The following GRIK2 variants were observed in gnomAD, a reference collection of about 807,000 sequenced individuals.
The protein encoded by GRIK2 is glutamate receptor ionotropic, kainate 2.
GRIK2 carries 32 observed loss-of-function variants against 100.3 expected under a neutral mutation model. The ratio of observed to expected loss-of-function variants is 0.32; its 90% CI spans 0.24 to 0.43. The LOEUF (loss-of-function observed/expected upper bound fraction) is 0.43. GRIK2 is among the 20% of genes least tolerant of loss of function. The pLI is 1.00. For missense variants in GRIK2, 843 were observed against 1,114.9 expected (o/e 0.76, Z 3.47); for synonymous variants, 417 against 389.4 (o/e 1.07, Z -0.83).
intron 14 of GRIK2, among the ~76,000 whole-genome samples, chr6:101,931,551 T>G (rs1442311643): frequency 1.3e-5 from 2 of 152,090 alleles, no homozygotes; most frequent in African/African-American, 4.8e-5. Context: ...CATAGCAGAG[T>G]TACATAGCTG....
At chr6:101,838,935 G>A (rs1424548692) in intron 10 of GRIK2, among the ~76,000 whole-genome samples, 1 of 151,980 alleles carries the variant, frequency 6.6e-6, no homozygotes, top group Non-Finnish European at 1.5e-5. Flanking sequence ...TTACAGGCTT[G>A]AGCCACTGTG....
chr6:101,818,532 G>T (rs781515341), intron 10 of GRIK2, 49 bp downstream of exon 10: 4 of 971,772 alleles, frequency 4.1e-6, no homozygotes, highest in Non-Finnish European at 6.6e-6. Flanking sequence ...GATGAACACA[G>T]AAGTGCATAG....
intron 2 of GRIK2, among the ~76,000 whole-genome samples, chr6:101,606,161 A>T (rs1490538961): frequency 6.6e-6 from 1 of 151,982 alleles, no homozygotes; most frequent in Non-Finnish European, 1.5e-5. Context: ...CTTCCTCCAG[A>T]CAGGTACATG....
intron 2 of GRIK2, among the ~76,000 whole-genome samples, chr6:101,450,446 A>G (rs374485948): frequency 4.0e-5 from 6 of 151,704 alleles, no homozygotes; most frequent in Admixed American, 6.6e-5. Context: ...AAGTCACTGA[A>G]CATTCCAGAA....
intron 12 of GRIK2, among the ~76,000 whole-genome samples, chr6:101,920,754 T>A: frequency 7.8e-6 from 1 of 129,022 alleles, no homozygotes; most frequent in Non-Finnish European, 1.7e-5. Flanking sequence ...GAAAGGGGGG[T>A]CAGAGATCAC....
At chr6:101,705,925 A>G (rs1490955209) in intron 7 of GRIK2, among the ~76,000 whole-genome samples, 1 of 151,946 alleles carries the variant, frequency 6.6e-6, no homozygotes, top group African/African-American at 2.4e-5. Flanking sequence ...AAAAATATGT[A>G]AGGAGACATG....
At chr6:101,436,755 T>A (rs1769740865) in intron 2 of GRIK2, among the ~76,000 whole-genome samples, 1 of 151,430 alleles carries the variant, frequency 6.6e-6, no homozygotes, top group African/African-American at 2.4e-5. Flanking sequence ...TGGGGAGGAT[T>A]TGGTAAAAGT....
At chr6:101,585,334 T>C (rs959460195) in intron 2 of GRIK2, among the ~76,000 whole-genome samples, 5 of 152,112 alleles carry the variant, frequency 3.3e-5, no homozygotes, top group Non-Finnish European at 7.4e-5. Flanking sequence ...TGAGTATGTG[T>C]ATATTCAGTG....
chr6:101,887,427 G>A (rs999633251), intron 11 of GRIK2, among the ~76,000 whole-genome samples: 2 of 152,126 alleles, frequency 1.3e-5, no homozygotes, highest in African/African-American at 2.4e-5. Flanking sequence ...GTTACAGAAT[G>A]AAGTAACACA....
chr6:101,818,036 C>T (rs55757149), intron 9 of GRIK2, among the ~76,000 whole-genome samples: 7,009 of 152,206 alleles, frequency 0.046, 191 homozygotes, highest in Non-Finnish European at 0.058. Flanking sequence ...AGATCCATTA[C>T]AGTAAAAGAT....
intron 16 of GRIK2, among the ~76,000 whole-genome samples, chr6:102,055,965 A>G (rs530631598): frequency 8.6e-5 from 13 of 151,936 alleles, no homozygotes; most frequent in African/African-American, 2.6e-4. Flanking sequence ...TCTGCAGATT[A>G]AAAATGAGGT....
At chr6:101,595,740 A>T (rs1304670560) in intron 2 of GRIK2, among the ~76,000 whole-genome samples, 2 of 147,316 alleles carry the variant, frequency 1.4e-5, no homozygotes, top group African/African-American at 5.0e-5. Context: ...ATATATATAT[A>T]TTCATACACA....
In GRIK2 at chr6:101,396,883, T is replaced by C. The variant is rs143366006; in HGVS notation, c.-293-2102T>C. 6.2e-3 allele frequency among the ~76,000 whole-genome samples: 941 copies of C among 151,808 alleles called. 4 individuals are homozygous for C. Among genetic ancestry groups the C allele is most frequent in the South Asian group, 0.014 (66 of 4,748 alleles). On this transcript the variant is annotated intron_variant, in intron 1 of 16. Transcript: ENST00000369134. ...AATCTAATTTACCATATGTGCAAAA[T>C]TGGTTCTTTGGGGATCAATTAATAT...
rs981996722 is a variant in GRIK2, at chr6:101,751,514, A to G, written c.952-48134A>G. ...TTTAAAAACCATATATAACCAAAAT[A>G]CCAGAATACTACCTAAAATAAACTA... is the stretch of plus-strand genomic sequence containing the variant. On this transcript the variant is annotated intron_variant, in intron 7 of 16. Transcript: ENST00000369134. Among the ~76,000 whole-genome samples, 10 of 152,186 alleles carry G rather than the reference A, an allele frequency of 6.6e-5. No individual in the cohort carries two copies. In the East Asian group the frequency reaches 1.9e-3, roughly 29 times the overall value.
chr6:101,764,872 A>G (rs983340790), intron 7 of GRIK2, among the ~76,000 whole-genome samples: 3 of 152,108 alleles, frequency 2.0e-5, no homozygotes, highest in Admixed American at 2.0e-4. Context: ...GATAAAATCT[A>G]CGCTCCTAGC....
At chr6:101,622,912 T>G (rs1192778309) in intron 3 of GRIK2, among the ~76,000 whole-genome samples, 3 of 152,018 alleles carry the variant, frequency 2.0e-5, no homozygotes, top group Admixed American at 2.0e-4. Context: ...TCTATAGTCT[T>G]ATGTGGGTGA....
At chr6:101,762,022 C>T (rs1265141049) in intron 7 of GRIK2, among the ~76,000 whole-genome samples, 2 of 105,466 alleles carry the variant, frequency 1.9e-5, no homozygotes, top group Non-Finnish European at 3.5e-5. Flanking sequence ...TCCTTTCTTT[C>T]CTTTGTTTGT....
intron 11 of GRIK2, among the ~76,000 whole-genome samples, chr6:101,885,132 T>C (rs1028293914): frequency 1.3e-5 from 2 of 152,146 alleles, no homozygotes; most frequent in Non-Finnish European, 2.9e-5. Flanking sequence ...TCTCATATCT[T>C]ATTGGTTGAC....
At chr6:101,959,183 G>A (rs1034683171) in intron 14 of GRIK2, among the ~76,000 whole-genome samples, 1 of 152,004 alleles carries the variant, frequency 6.6e-6, no homozygotes. Context: ...GCTTCATGTG[G>A]CAATCATATG....
Sources: gnomAD v4.1 joint callset for allele counts (sites outside exome capture counted in the v4.1 genomes callset) on GRCh38, gnomAD v4.1.1 for gene constraint, MANE v1.5 for transcripts, NCBI Gene and HGNC (gene_info 2026-07-23, HGNC 2026-07-21) for gene names.